Variants in MTA3 observed in about 807,000 individuals in gnomAD.
MTA3 encodes the protein metastasis-associated protein MTA3.
In MTA3, 34 loss-of-function variants were observed where a neutral mutation model predicts 83.5. The ratio of observed to expected loss-of-function variants is 0.41; its 90% confidence interval spans 0.31 to 0.54. The LOEUF (loss-of-function observed/expected upper bound fraction) is 0.54, where lower values mean the gene tolerates loss of function less well. Ranked by LOEUF, MTA3 falls within the 20% of genes least tolerant of loss-of-function variation. MTA3 has a pLI of 0.33. For synonymous variants in MTA3, 303 were observed against 252.7 expected, an observed-to-expected ratio of 1.20 and a Z score of -1.89; for missense variants, 761 against 726.4, an observed-to-expected ratio of 1.05 and a Z score of -0.55.
At chr2:42,742,404 G>A (rs766916496) in intron 16 of MTA3, among the ~76,000 whole-genome samples, 1 of 152,078 alleles carries the variant, frequency 6.6e-6, no homozygotes, top group Non-Finnish European at 1.5e-5. Context: ...CTCCCAAAGT[G>A]CTAGGTTTAC....
chr2:42,719,142 C>A, intron 15 of MTA3, 68 bp downstream of exon 15: 1 of 1,167,780 alleles, frequency 8.6e-7, no homozygotes, highest in South Asian at 1.3e-5. Context: ...TTTGGCAATT[C>A]TAAATGGACA....
intron 8 of MTA3, among the ~76,000 whole-genome samples, chr2:42,667,168 C>T (rs1036880309): frequency 2.0e-5 from 3 of 152,018 alleles, no homozygotes; most frequent in Non-Finnish European, 2.9e-5. Context: ...ATCAGCCTCC[C>T]GAGGAGTAGC....
At chr2:42,638,423 C>T (rs1047732037) in intron 4 of MTA3, among the ~76,000 whole-genome samples, 1 of 151,762 alleles carries the variant, frequency 6.6e-6, no homozygotes, top group Non-Finnish European at 1.5e-5. Context: ...GGGTCTTGCT[C>T]TTTTGCCCAG....
chr2:42,609,081 G>A (rs1362368561), intron 3 of MTA3, among the ~76,000 whole-genome samples: 1 of 147,984 alleles, frequency 6.8e-6, no homozygotes, highest in African/African-American at 2.5e-5. Flanking sequence ...ACTCAGGCTG[G>A]TGTGAAGTGT....
intron 16 of MTA3, among the ~76,000 whole-genome samples, chr2:42,732,546 C>G (rs1237543123): frequency 2.0e-5 from 3 of 152,190 alleles, no homozygotes; most frequent in African/African-American, 7.2e-5. Flanking sequence ...GTGAAGACCT[C>G]TGACATGGCC....
At chr2:42,724,406 T>G (rs1335856905) in intron 16 of MTA3, among the ~76,000 whole-genome samples, 2 of 148,944 alleles carry the variant, frequency 1.3e-5, no homozygotes, top group East Asian at 2.0e-4. Context: ...TCCCAACACT[T>G]TGGGAGGCTG....
At chr2:42,749,087 C>A (rs1343055173) in intron 16 of MTA3, among the ~76,000 whole-genome samples, 1 of 152,210 alleles carries the variant, frequency 6.6e-6, no homozygotes, top group Non-Finnish European at 1.5e-5. Context: ...TTCCATCGGG[C>A]TCCTGGGAAT....
In MTA3 at chr2:42,754,895, C is replaced by A. The variant is rs1363492104; in HGVS notation, c.*1496C>A. ...CTGTGTGAGGTGGAGGGCGGTTTTG[C>A]AGACATCTCAGCTTCTTTTCTGAGG... On this transcript the variant is annotated 3_prime_UTR_variant, in exon 17 of 17. Coordinates refer to ENST00000405094, the MANE Select transcript of MTA3 (RefSeq NM_001330442.2). The A allele has an allele frequency of 7.1e-6, 7 of 985,460 alleles. No individual in the cohort carries two copies. The highest frequency in any genetic ancestry group is 8.4e-6 in the Non-Finnish European group (7 of 830,094). The allele number at this position is 985,460 out of a possible 1,614,324, so 61.0% of individuals were successfully genotyped here.
chr2:42,711,963 T>A (rs1251640724), intron 14 of MTA3, among the ~76,000 whole-genome samples: 1 of 152,084 alleles, frequency 6.6e-6, no homozygotes, highest in Non-Finnish European at 1.5e-5. Flanking sequence ...GGATCTAGAG[T>A]TCTAATTAAT....
intron 16 of MTA3, among the ~76,000 whole-genome samples, chr2:42,728,439 C>A (rs1339217881): frequency 1.3e-5 from 2 of 152,120 alleles, no homozygotes; most frequent in Non-Finnish European, 2.9e-5. Context: ...GATTTCTTTT[C>A]TTTTGGGTAT....
intron 14 of MTA3, among the ~76,000 whole-genome samples, chr2:42,717,666 C>G (rs765558738): frequency 4.6e-5 from 7 of 152,146 alleles, no homozygotes; most frequent in Admixed American, 6.5e-5. Context: ...ACACAGGTAG[C>G]CTTTTAAATC....
At chr2:42,606,488 C>T (rs547361801) in intron 3 of MTA3, among the ~76,000 whole-genome samples, 5 of 149,996 alleles carry the variant, frequency 3.3e-5, no homozygotes, top group Non-Finnish European at 5.9e-5. Flanking sequence ...GATGTGCGGC[C>T]GGGCAGAGAC....
chr2:42,740,921 A>G (rs1668983286), intron 16 of MTA3, among the ~76,000 whole-genome samples: 1 of 152,234 alleles, frequency 6.6e-6, no homozygotes, highest in African/African-American at 2.4e-5. Flanking sequence ...CTGTCCTTTG[A>G]AGCTTTGAAG....
intron 5 of MTA3, among the ~76,000 whole-genome samples, chr2:42,641,601 G>A (rs569831781): frequency 8.4e-4 from 127 of 151,908 alleles, no homozygotes; most frequent in African/African-American, 2.9e-3. Flanking sequence ...TGATCCCAGC[G>A]CTTTGGGAGG....
At chr2:42,660,301 T>G (rs1285868128) in intron 8 of MTA3, among the ~76,000 whole-genome samples, 1 of 152,086 alleles carries the variant, frequency 6.6e-6, no homozygotes, top group Non-Finnish European at 1.5e-5. Flanking sequence ...GTTGGCCAGG[T>G]TGGTCTCAAA....
At chr2:42,708,715 A>G (rs534095303) in intron 13 of MTA3, among the ~76,000 whole-genome samples, 159 bp from the exon 14 acceptor site, 3 of 152,300 alleles carry the variant, frequency 2.0e-5, no homozygotes, top group South Asian at 4.1e-4. Flanking sequence ...CCAAAAGTGC[A>G]CACTTTAATT....
rs1670102089 is a variant in MTA3 at position 42,754,431 on chromosome 2, C to G, written c.*1032C>G. On this transcript the variant is annotated 3_prime_UTR_variant, in exon 17 of 17. Coordinates refer to ENST00000405094, the MANE Select transcript of MTA3 (RefSeq NM_001330442.2). Reference sequence around the variant, plus strand: ...ACATGTGACCTAGGCCCCGGGGGACCTGCCTGCTCCTTTGGCTTGGGCTCT... The same window carrying G: ...ACATGTGACCTAGGCCCCGGGGGACGTGCCTGCTCCTTTGGCTTGGGCTCT... 3.0e-6 allele frequency: 3 copies of G among 985,596 alleles called. No individual in the cohort carries two copies. Among genetic ancestry groups the G allele is most frequent in the Non-Finnish European group, 1.2e-6 (1 of 830,050 alleles). The allele number at this position is 985,596 out of a possible 1,614,324, so 61.1% of individuals were successfully genotyped here. A position where few individuals can be genotyped will look rare whatever the true frequency, so the allele number is the denominator to read the frequency against.
At chr2:42,606,112 T>C (rs867370274) in intron 3 of MTA3, among the ~76,000 whole-genome samples, 1 of 40,312 alleles carries the variant, frequency 2.5e-5, no homozygotes, top group African/African-American at 1.1e-4. Context: ...CTGGCCGGGC[T>C]GAGGGGCTCC....
chr2:42,532,798 C>T (rs1359835784), intron 2 of MTA3: 2 of 367,214 alleles, frequency 5.4e-6, no homozygotes, highest in East Asian at 7.4e-5. Context: ...TCCAGCAGCT[C>T]GGGCTCCTTC....
Sources: allele counts gnomAD v4.1 joint callset (sites outside exome capture counted in the v4.1 genomes callset), GRCh38; gene constraint gnomAD v4.1.1; transcripts MANE v1.5; gene names NCBI Gene and HGNC (gene_info 2026-07-23, HGNC 2026-07-21).